The following PPM1E variants were observed in gnomAD, a reference collection of about 807,000 sequenced individuals.
PPM1E encodes the protein protein phosphatase, Mg2+/Mn2+ dependent 1E.
A neutral mutation model predicts 65.9 loss-of-function variants in PPM1E; 20 were observed. The observed-to-expected ratio is 0.30, with a 90% CI of 0.21 to 0.44. The LOEUF is 0.44. PPM1E is among the 20% of genes least tolerant of loss of function. The probability of loss-of-function intolerance (pLI) is 1.00; values close to 1 mark genes in which losing one functional copy is unlikely to be tolerated. For missense variants in PPM1E, 713 were observed against 953.1 expected (o/e 0.75, Z 3.32); for synonymous variants, 352 against 374.9 (o/e 0.94, Z 0.70).
rs1417665184 is a variant in PPM1E at position 58,899,903 on chromosome 17, T to C, written c.465-55746T>C. The stretch of plus-strand genomic sequence containing the variant: ...TAACTAAAAGAGAGAGAATTAATAG[T>C]TCTACCCTAAACAGAATGCAGTGGT... On this transcript the variant is annotated intron_variant, in intron 1 of 6. Coordinates refer to ENST00000308249, the MANE Select transcript of PPM1E (RefSeq NM_014906.5). 2.0e-5 allele frequency among the ~76,000 whole-genome samples: 3 copies of C among 151,888 alleles called. No homozygotes were observed. The East Asian group carries it at 5.8e-4, about 29-fold the overall frequency.
rs545546722 is a variant in PPM1E, at chr17:58,794,658, G to T, written c.464+38197G>T. Among the ~76,000 whole-genome samples, 4 of 152,226 alleles carry T rather than the reference G, an allele frequency of 2.6e-5. No individual in the cohort carries two copies. In the South Asian group the frequency reaches 8.3e-4, roughly 32 times the overall value. On this transcript the variant is annotated intron_variant, in intron 1 of 6. Transcript: ENST00000308249. Reference sequence around the variant, plus strand: ...AACTCCCACTTATAAGTGAGAACATGCAATGTTTGGTTTTCTGTTCCTGTG... The same window carrying T: ...AACTCCCACTTATAAGTGAGAACATTCAATGTTTGGTTTTCTGTTCCTGTG...
chr17:58,809,454 G>A (rs117471709), intron 1 of PPM1E, among the ~76,000 whole-genome samples: 229 of 152,098 alleles, frequency 1.5e-3, no homozygotes, highest in Non-Finnish European at 2.5e-3. Flanking sequence ...GTGCAGTGGC[G>A]CGGCTTAACT....
intron 1 of PPM1E, among the ~76,000 whole-genome samples, chr17:58,766,880 T>C (rs938412236): frequency 6.6e-6 from 1 of 152,188 alleles, no homozygotes; most frequent in Non-Finnish European, 1.5e-5. Flanking sequence ...TGGAAAGATA[T>C]TGGTCCTATT....
At chr17:58,972,074 TAAG>T in intron 4 of PPM1E, 55 bp from the exon 5 acceptor site, 5 of 1,515,868 alleles carry the variant, frequency 3.3e-6, no homozygotes, top group Non-Finnish European at 4.5e-6. Flanking sequence ...TGCTTCTCAA[TAAG>T]AATGTAGTAT....
intron 1 of PPM1E, among the ~76,000 whole-genome samples, chr17:58,790,013 ATAAG>A (rs2050141051): frequency 6.6e-6 from 1 of 152,108 alleles, no homozygotes; most frequent in Non-Finnish European, 1.5e-5. Context: ...TATTGAATAA[ATAAG>A]TTAGTTGAGC....
intron 1 of PPM1E, among the ~76,000 whole-genome samples, chr17:58,941,744 C>T (rs1453765992): frequency 2.0e-5 from 3 of 149,560 alleles, no homozygotes; most frequent in South Asian, 2.1e-4. Flanking sequence ...GTGGCTCACA[C>T]CTGTAATCCC....
At chr17:58,930,942 G>A (rs1367703763) in intron 1 of PPM1E, among the ~76,000 whole-genome samples, 2 of 151,788 alleles carry the variant, frequency 1.3e-5, no homozygotes, top group African/African-American at 4.8e-5. Flanking sequence ...GGCCAGGTGT[G>A]GTGGCTTAAG....
intron 1 of PPM1E, among the ~76,000 whole-genome samples, chr17:58,860,184 T>C (rs539215310): frequency 9.9e-5 from 15 of 152,250 alleles, no homozygotes; most frequent in African/African-American, 3.6e-4. Context: ...CCCAAAGAGA[T>C]TGTAAATAGG....
intron 1 of PPM1E, among the ~76,000 whole-genome samples, chr17:58,819,913 C>T (rs187249036): frequency 3.9e-5 from 6 of 151,930 alleles, no homozygotes; most frequent in East Asian, 1.9e-4. Flanking sequence ...GGTGGGCACC[C>T]GTAATCCCAG....
At chr17:58,916,307 G>A (rs986698514) in intron 1 of PPM1E, among the ~76,000 whole-genome samples, 4 of 152,178 alleles carry the variant, frequency 2.6e-5, no homozygotes, top group Non-Finnish European at 5.9e-5. Flanking sequence ...TGAATAAATA[G>A]AAAGTAATAG....
At chr17:58,963,544 A>C (rs1204047839) in intron 2 of PPM1E, among the ~76,000 whole-genome samples, 1 of 149,334 alleles carries the variant, frequency 6.7e-6, no homozygotes, top group Non-Finnish European at 1.5e-5. Flanking sequence ...TCTACTAAAA[A>C]TGTGAGAAAA....
At position 58,972,187 on chromosome 17, in the gene PPM1E, A is replaced by G; in HGVS notation, c.1028A>G (p.His343Arg). ...ACTTTCATCAGAGGCAACATGCTAC[A>G]TGTGGCCTGGGTGGGTGATTCCCAG... Reference protein sequence around the residue: ...VVTFIRGNMLHVAWVGDSQVM... With the variant: ...VVTFIRGNMLRVAWVGDSQVM... Residue 343 changes from histidine to arginine, a missense_variant, in exon 5 of 7, where the codon CAT becomes CGT. By Grantham distance (29) the His-to-Arg change is conservative (BLOSUM62 0). Coordinates refer to ENST00000308249, the MANE Select transcript of PPM1E (RefSeq NM_014906.5). 1 of 1,614,092 alleles carries G rather than the reference A, an allele frequency of 6.2e-7. No individual in the cohort carries two copies. Among genetic ancestry groups the G allele is most frequent in the Non-Finnish European group, 8.5e-7 (1 of 1,179,950 alleles).
chr17:58,761,260 C>A (rs950967484), intron 1 of PPM1E, among the ~76,000 whole-genome samples: 2 of 152,132 alleles, frequency 1.3e-5, no homozygotes, highest in Non-Finnish European at 2.9e-5. Flanking sequence ...TCAAGGGACC[C>A]ATCATGAATA....
Position 58,835,232 on chromosome 17 carries a change from TG to T in PPM1E, c.464+78775del, listed in dbSNP as rs2050643407. Among the ~76,000 whole-genome samples the T allele has an allele frequency of 2.0e-5, 3 of 152,074 alleles. No homozygotes were observed. In the South Asian group the frequency reaches 6.2e-4, roughly 32 times the overall value. On this transcript the variant is annotated intron_variant, in intron 1 of 6. Transcript: ENST00000308249. ...GGCACGTGCCTGTAGTCCCAGCTAC[TG>T]GGGAGGCTAAGGCGAGGTGATTGAT...
intron 1 of PPM1E, among the ~76,000 whole-genome samples, chr17:58,898,113 G>C (rs568542714): frequency 6.6e-6 from 1 of 152,174 alleles, no homozygotes; most frequent in East Asian, 1.9e-4. Flanking sequence ...TTAACCAGGT[G>C]TGGTGGTATG....
At chr17:58,816,763 TATATATATATATATATATATATATATA>T (rs1567842074) in intron 1 of PPM1E, among the ~76,000 whole-genome samples, 1 of 10,956 alleles carries the variant, frequency 9.1e-5, no homozygotes, top group Non-Finnish European at 2.0e-4. Context: ...TATATATATA[TATATATATATATATATATATATATATA>T]TATATTTTTT....
At chr17:58,924,412 G>A (rs1278550594) in intron 1 of PPM1E, among the ~76,000 whole-genome samples, 1 of 152,048 alleles carries the variant, frequency 6.6e-6, no homozygotes, top group Non-Finnish European at 1.5e-5. Flanking sequence ...TTAGCTGGGT[G>A]TGGTGGCACA....
At chr17:58,790,599 C>T (rs1046865173) in intron 1 of PPM1E, among the ~76,000 whole-genome samples, 1 of 152,102 alleles carries the variant, frequency 6.6e-6, no homozygotes, top group Non-Finnish European at 1.5e-5. Flanking sequence ...AAGCTTGTGT[C>T]TGGGTCTCTG....
In PPM1E at chr17:58,830,386, C is replaced by T. The variant is rs1331213252; in HGVS notation, c.464+73925C>T. 1.2e-4 allele frequency among the ~76,000 whole-genome samples: 18 copies of T among 151,900 alleles called. No individual in the cohort carries two copies. In the East Asian group the frequency reaches 3.5e-3, roughly 29 times the overall value. ...GCAGTGGCGCAGTCTCGGCTCACTG[C>T]AAGCTTCGCCTCCCAGGTTCACGCC... On this transcript the variant is annotated intron_variant, in intron 1 of 6. Coordinates refer to ENST00000308249, the MANE Select transcript of PPM1E (RefSeq NM_014906.5).
Sources: allele counts gnomAD v4.1 joint callset (sites outside exome capture counted in the v4.1 genomes callset), GRCh38; gene constraint gnomAD v4.1.1; transcripts MANE v1.5; gene names NCBI Gene and HGNC (gene_info 2026-07-23, HGNC 2026-07-21).